The following FHOD3 variants were observed in gnomAD, a reference collection of about 807,000 sequenced individuals.
The protein encoded by FHOD3 is formin homology 2 domain containing 3, also known as FH1/FH2 domain-containing protein 3.
Under a neutral mutation model 173.0 loss-of-function variants are expected in FHOD3, and 90 were observed. The ratio of observed to expected loss-of-function variants is 0.52; its 90% CI spans 0.44 to 0.62. FHOD3 has a LOEUF of 0.62. Among genes scored for constraint, FHOD3 ranks in the 20% least tolerant of loss-of-function variants. FHOD3 has a pLI of 0.00. For synonymous variants in FHOD3, 828 were observed against 823.0 expected, an observed-to-expected ratio of 1.01 and a Z score of -0.10; for missense variants, 1,945 against 2,034.7, an observed-to-expected ratio of 0.96 and a Z score of 0.85.
At chr18:36,719,735 G>A (rs1360888921) in intron 19 of FHOD3, among the ~76,000 whole-genome samples, 3 of 152,146 alleles carry the variant, frequency 2.0e-5, no homozygotes, top group African/African-American at 7.2e-5. Flanking sequence ...TGCCATTTGG[G>A]CACCAATTCT....
intron 1 of FHOD3, among the ~76,000 whole-genome samples, chr18:36,329,298 A>G (rs905177940): frequency 6.6e-6 from 1 of 152,076 alleles, no homozygotes; most frequent in Non-Finnish European, 1.5e-5. Flanking sequence ...AGTCCGCCCA[A>G]CGAACCACTC....
At chr18:36,425,658 A>G (rs1466589937) in intron 3 of FHOD3, among the ~76,000 whole-genome samples, 1 of 152,202 alleles carries the variant, frequency 6.6e-6, no homozygotes, top group East Asian at 1.9e-4. Context: ...GTGTATAAAC[A>G]TGATGCTTTG....
At chr18:36,315,603 T>A (rs2044077800) in intron 1 of FHOD3, among the ~76,000 whole-genome samples, 2 of 151,920 alleles carry the variant, frequency 1.3e-5, no homozygotes. Flanking sequence ...AACATTAGAG[T>A]TTGTGAACAG....
chr18:36,476,141 A>G (rs2053563872), intron 3 of FHOD3, among the ~76,000 whole-genome samples: 1 of 152,008 alleles, frequency 6.6e-6, no homozygotes. Context: ...TTTGACAGGC[A>G]CAGTGCTGAG....
At chr18:36,346,845 C>T (rs564177930) in intron 1 of FHOD3, among the ~76,000 whole-genome samples, 9 of 152,326 alleles carry the variant, frequency 5.9e-5, no homozygotes, top group South Asian at 2.1e-4. Context: ...CCTCCATGGC[C>T]GGTGGCCTGC....
At chr18:36,632,579 T>C in intron 10 of FHOD3, among the ~76,000 whole-genome samples, 1 of 152,212 alleles carries the variant, frequency 6.6e-6, no homozygotes, top group Non-Finnish European at 1.5e-5. Context: ...GCACTAAATA[T>C]ATTTGTTATG....
At chr18:36,403,109 C>T (rs2048904061) in intron 3 of FHOD3, among the ~76,000 whole-genome samples, 1 of 152,140 alleles carries the variant, frequency 6.6e-6, no homozygotes, top group Non-Finnish European at 1.5e-5. Context: ...AGTGAAAATC[C>T]TCTAAGACCA....
chr18:36,594,782 G>T lies in FHOD3; in HGVS notation c.607-5G>T. ...GTGATGTGATGGTTTTATCTCTTCT[G>T]CCAGTTCCGCCTGGTGGTGAAGACA... On this transcript the variant is annotated splice_region_variant and splice_polypyrimidine_tract_variant and intron_variant, in intron 6 of 28. Transcript: ENST00000590592. 2 of 1,610,182 alleles carry T rather than the reference G, an allele frequency of 1.2e-6. No individual in the cohort carries two copies. Among genetic ancestry groups the T allele is most frequent in the South Asian group, 2.2e-5 (2 of 90,644 alleles).
intron 1 of FHOD3, among the ~76,000 whole-genome samples, chr18:36,351,843 T>C (rs2046140566): frequency 6.6e-6 from 1 of 152,222 alleles, no homozygotes; most frequent in East Asian, 1.9e-4. Context: ...GGAAATGATA[T>C]GCAAAATAGC....
chr18:36,527,555 C>A (rs1220344113), intron 5 of FHOD3, among the ~76,000 whole-genome samples: 1 of 152,164 alleles, frequency 6.6e-6, no homozygotes, highest in Non-Finnish European at 1.5e-5. Context: ...ATGTGGGTGA[C>A]AGCAGGTGTG....
At chr18:36,571,585 G>A (rs951297059) in intron 5 of FHOD3, among the ~76,000 whole-genome samples, 1 of 152,144 alleles carries the variant, frequency 6.6e-6, no homozygotes, top group Admixed American at 6.5e-5. Context: ...AAAGAAGAAC[G>A]AATAGGAAGA....
intron 3 of FHOD3, among the ~76,000 whole-genome samples, chr18:36,436,585 G>T (rs536742973): frequency 6.6e-6 from 1 of 152,134 alleles, no homozygotes; most frequent in Non-Finnish European, 1.5e-5. Flanking sequence ...GTGACGTAAT[G>T]ATCTTAATAT....
intron 16 of FHOD3, among the ~76,000 whole-genome samples, chr18:36,690,056 C>T (rs1421065776): frequency 3.9e-5 from 6 of 152,048 alleles, no homozygotes; most frequent in East Asian, 1.9e-4. Flanking sequence ...GAGACTGAGC[C>T]GCAGTACCAG....
At position 36,644,128 on chromosome 18, in the gene FHOD3, C is replaced by T. The variant is rs916578204; in HGVS notation, c.1197-5188C>T. Among the ~76,000 whole-genome samples the T allele has an allele frequency of 4.6e-5, 7 of 152,078 alleles. No individual in the cohort carries two copies. In the South Asian group the frequency reaches 8.3e-4, roughly 18 times the overall value. ...GTGACCTCAAATCTGGGACTGTTTG[C>T]GGTGAAAAGGAAGATACCTAATGGA... On this transcript the variant is annotated intron_variant, in intron 10 of 28. Coordinates refer to ENST00000590592, the MANE Select transcript of FHOD3 (RefSeq NM_001281740.3).
chr18:36,455,910 A>G (rs975118522), intron 3 of FHOD3, among the ~76,000 whole-genome samples: 1 of 152,090 alleles, frequency 6.6e-6, no homozygotes, highest in African/African-American at 2.4e-5. Flanking sequence ...TGCCATGTTA[A>G]TGGCTGGAAC....
At chr18:36,558,332 C>T (rs2057968202) in intron 5 of FHOD3, among the ~76,000 whole-genome samples, 2 of 152,058 alleles carry the variant, frequency 1.3e-5, no homozygotes, top group South Asian at 4.2e-4. Flanking sequence ...GGGCTCACCT[C>T]CTTTGTTTTC....
intron 8 of FHOD3, among the ~76,000 whole-genome samples, chr18:36,603,977 G>A (rs758551987): frequency 7.2e-5 from 11 of 152,170 alleles, no homozygotes; most frequent in Non-Finnish European, 1.6e-4. Flanking sequence ...CTTGTCTCAC[G>A]TGATGGTGAC....
intron 14 of FHOD3, among the ~76,000 whole-genome samples, chr18:36,673,067 G>A (rs950529070): frequency 5.9e-5 from 9 of 152,010 alleles, no homozygotes; most frequent in South Asian, 2.1e-4. Flanking sequence ...ACTCATCATC[G>A]AAAAAGAAAG....
chr18:36,681,896 C>T (rs1016240421), intron 15 of FHOD3, among the ~76,000 whole-genome samples: 2 of 152,154 alleles, frequency 1.3e-5, no homozygotes, highest in African/African-American at 4.8e-5. Context: ...CCATCTCTTC[C>T]TAATGGTCCT....
Sources: allele counts gnomAD v4.1 joint callset (sites outside exome capture counted in the v4.1 genomes callset), GRCh38; gene constraint gnomAD v4.1.1; transcripts MANE v1.5; gene names NCBI Gene and HGNC (gene_info 2026-07-23, HGNC 2026-07-21).